The following ZFAT variants were observed in gnomAD, a reference collection of about 807,000 sequenced individuals.
The protein encoded by ZFAT is zinc finger and AT-hook domain containing.
A neutral mutation model predicts 117.7 loss-of-function variants in ZFAT; 64 were observed. That is an observed-to-expected ratio of 0.54 (90% CI 0.44 to 0.67). ZFAT has a LOEUF of 0.67. Ranked by LOEUF, ZFAT falls within the 30% of genes least tolerant of loss-of-function variation. The probability of loss-of-function intolerance (pLI) is 0.00; values close to 1 mark genes in which losing one functional copy is unlikely to be tolerated. For synonymous variants in ZFAT, 679 were observed against 615.0 expected (o/e 1.10, Z -1.54); for missense variants, 1,433 against 1,584.5 (o/e 0.90, Z 1.62).
At chr8:134,574,925 C>T (rs1444140277) in intron 10 of ZFAT, among the ~76,000 whole-genome samples, 1 of 151,882 alleles carries the variant, frequency 6.6e-6, no homozygotes, top group East Asian at 1.9e-4. Context: ...TTTACCCTTT[C>T]CAACAGTGAT....
intron 2 of ZFAT, among the ~76,000 whole-genome samples, chr8:134,646,490 C>T (rs1307731619): frequency 6.6e-6 from 1 of 151,676 alleles, no homozygotes; most frequent in Non-Finnish European, 1.5e-5. Flanking sequence ...CATAATTTTA[C>T]AACTCAAGGA....
At chr8:134,772,742 G>A in the ZFAT span, among the ~76,000 whole-genome samples, 1 of 152,146 alleles carries the variant, frequency 6.6e-6, no homozygotes, top group Non-Finnish European at 1.5e-5. Context: ...CTTTAATAAT[G>A]AGAGAGAAGT....
chr8:134,689,836 G>C (rs530271625), intron 1 of ZFAT, among the ~76,000 whole-genome samples: 1 of 152,216 alleles, frequency 6.6e-6, no homozygotes, highest in Admixed American at 6.5e-5. Context: ...AAAGCACGGG[G>C]CAAGAGGCTG....
At chr8:134,752,833 C>A in the ZFAT span, among the ~76,000 whole-genome samples, 103 of 152,232 alleles carry the variant, frequency 6.8e-4, 1 homozygote, top group South Asian at 0.021. Context: ...ATTATAAGGG[C>A]CCCGCCCTCA....
At chr8:134,803,501 T>C in the ZFAT span, among the ~76,000 whole-genome samples, 2 of 152,204 alleles carry the variant, frequency 1.3e-5, no homozygotes, top group African/African-American at 4.8e-5. Context: ...TGCATGCTAA[T>C]CATCCAGCCT....
chr8:134,789,892 T>C, the ZFAT span, among the ~76,000 whole-genome samples: 2 of 152,204 alleles, frequency 1.3e-5, no homozygotes, highest in Non-Finnish European at 1.5e-5. Flanking sequence ...GTATACACAG[T>C]GTGGTACACA....
intron 2 of ZFAT, among the ~76,000 whole-genome samples, chr8:134,642,522 C>A (rs1221645610): frequency 1.3e-5 from 2 of 152,160 alleles, no homozygotes; most frequent in East Asian, 3.8e-4. Flanking sequence ...TAGAATATCT[C>A]TTTTAAGAAA....
chr8:134,629,823 T>C (rs945826174), intron 3 of ZFAT, among the ~76,000 whole-genome samples: 3 of 152,222 alleles, frequency 2.0e-5, no homozygotes, highest in Admixed American at 6.5e-5. Context: ...TAGTTCTTTA[T>C]AGCAGTGTGA....
Position 134,601,748 on chromosome 8 carries a change from C to A in ZFAT, c.1971G>T (p.Gly657=). ...CAGCTGAAAGCACAGCCATGTTCTG[C>A]CCTTCCCCTAGGGGGCTCTGGGCGC... ...SHGAQSPLGE[G]QNMAVLSAGD... Residue 657 remains glycine, a synonymous_variant, in exon 6 of 16, where the codon GGG becomes GGT. Coordinates refer to ENST00000377838, the MANE Select transcript of ZFAT (RefSeq NM_020863.4). 1.2e-6 allele frequency: 2 copies of A among 1,613,530 alleles called. No individual in the cohort carries two copies. Among genetic ancestry groups the A allele is most frequent in the Non-Finnish European group, 1.7e-6 (2 of 1,179,756 alleles).
At chr8:134,776,407 G>A in the ZFAT span, among the ~76,000 whole-genome samples, 8 of 152,146 alleles carry the variant, frequency 5.3e-5, no homozygotes, top group East Asian at 1.4e-3. Context: ...AGGCTCAAGC[G>A]ATTCTCCCAC....
chr8:134,481,315 C>T (rs948607001), intron 15 of ZFAT, among the ~76,000 whole-genome samples: 4 of 152,122 alleles, frequency 2.6e-5, no homozygotes, highest in African/African-American at 7.2e-5. Context: ...ATGGTTTACT[C>T]CCAGGTCCCC....
At chr8:134,497,906 T>G (rs1163645666) in intron 15 of ZFAT, among the ~76,000 whole-genome samples, 68 of 133,240 alleles carry the variant, frequency 5.1e-4, no homozygotes, top group African/African-American at 1.8e-3. Flanking sequence ...TTTGGTAGGG[T>G]TGGGGTGGAG....
At chr8:134,717,283 G>T (rs1411809009), upstream of ZFAT, among the ~76,000 whole-genome samples, 3 of 151,368 alleles carry the variant, frequency 2.0e-5, no homozygotes, top group African/African-American at 7.3e-5. Flanking sequence ...TGGTCTGAGG[G>T]AGCCCCCACC....
At chr8:134,676,012 A>T (rs1384902550) in intron 1 of ZFAT, among the ~76,000 whole-genome samples, 2 of 152,154 alleles carry the variant, frequency 1.3e-5, no homozygotes, top group African/African-American at 4.8e-5. Context: ...AAAGACCATC[A>T]ATGCTATGAA....
chr8:134,605,756 A>T (rs1827843193), intron 5 of ZFAT, among the ~76,000 whole-genome samples: 1 of 152,208 alleles, frequency 6.6e-6, no homozygotes, highest in Non-Finnish European at 1.5e-5. Flanking sequence ...TTGCACGTTT[A>T]TCTTTCTTCA....
intron 11 of ZFAT, among the ~76,000 whole-genome samples, chr8:134,552,959 G>A (rs1189500199): frequency 4.6e-5 from 7 of 152,214 alleles, no homozygotes. Context: ...ACAGAGGAAT[G>A]AGCCAAAGGG....
At chr8:134,717,152 A>G (rs938322785), upstream of ZFAT, among the ~76,000 whole-genome samples, 2 of 152,208 alleles carry the variant, frequency 1.3e-5, no homozygotes, top group Non-Finnish European at 2.9e-5. Flanking sequence ...TGAAATGCTA[A>G]TGATGCATAA....
At chr8:134,734,332 T>A in the ZFAT span, among the ~76,000 whole-genome samples, 2 of 152,256 alleles carry the variant, frequency 1.3e-5, no homozygotes, top group South Asian at 4.1e-4. Flanking sequence ...GCTGTTCCTA[T>A]ACCCTTGTGA....
chr8:134,778,891 G>T, the ZFAT span, among the ~76,000 whole-genome samples: 1 of 152,206 alleles, frequency 6.6e-6, no homozygotes, highest in African/African-American at 2.4e-5. Context: ...CAGGCTAGTG[G>T]CCAGAGATGA....
Sources: allele counts gnomAD v4.1 joint callset (sites outside exome capture counted in the v4.1 genomes callset), GRCh38; gene constraint gnomAD v4.1.1; transcripts MANE v1.5; gene names NCBI Gene and HGNC (gene_info 2026-07-23, HGNC 2026-07-21).